The following UNC13C variants were observed in gnomAD, a reference collection of about 807,000 sequenced individuals.
UNC13C encodes the protein protein unc-13 homolog C.
Under a neutral mutation model 245.4 loss-of-function variants are expected in UNC13C, and 174 were observed. That is an observed-to-expected ratio of 0.71 (90% CI 0.63 to 0.80). UNC13C has a LOEUF of 0.80. UNC13C is among the 30% of genes least tolerant of loss of function. UNC13C has a pLI of 0.00. For missense variants in UNC13C, 2,829 were observed against 2,602.9 expected (o/e 1.09, Z -1.89); for synonymous variants, 992 against 895.1 (o/e 1.11, Z -1.93).
chr15:54,281,118 G>T (rs1470608061), intron 10 of UNC13C, among the ~76,000 whole-genome samples: 1 of 152,066 alleles, frequency 6.6e-6, no homozygotes, highest in Non-Finnish European at 1.5e-5. Context: ...ATTTTTAAAA[G>T]TCTTTAAACT....
At chr15:54,342,055 A>G (rs1365767801) in intron 17 of UNC13C, among the ~76,000 whole-genome samples, 1 of 151,922 alleles carries the variant, frequency 6.6e-6, no homozygotes, top group African/African-American at 2.4e-5. Flanking sequence ...GGAGATGGAC[A>G]CTATTCTAAT....
chr15:54,134,439 C>CGTGT (rs2031621128), intron 2 of UNC13C, among the ~76,000 whole-genome samples: 1 of 126,300 alleles, frequency 7.9e-6, no homozygotes, highest in Admixed American at 7.6e-5. Context: ...TGTGTGTGTG[C>CGTGT]GTTTGTGTGT....
At chr15:54,319,182 C>T (rs2038085422) in intron 13 of UNC13C, among the ~76,000 whole-genome samples, 1 of 151,368 alleles carries the variant, frequency 6.6e-6, no homozygotes, top group Admixed American at 6.6e-5. Flanking sequence ...TTCTATATCT[C>T]TTCTTCCCCC....
chr15:54,003,740 C>G (rs962805181), intron 1 of UNC13C, among the ~76,000 whole-genome samples: 2 of 152,106 alleles, frequency 1.3e-5, no homozygotes, highest in African/African-American at 2.4e-5. Context: ...AGGCCGGGCG[C>G]GGTGGCTTAA....
intron 4 of UNC13C, among the ~76,000 whole-genome samples, chr15:54,211,660 A>G (rs1247316104): frequency 1.3e-5 from 2 of 152,098 alleles, no homozygotes; most frequent in Non-Finnish European, 2.9e-5. Context: ...TCACTCCCCA[A>G]CAAAGCTCCA....
intron 19 of UNC13C, among the ~76,000 whole-genome samples, chr15:54,466,462 A>G (rs755594878): frequency 6.6e-6 from 1 of 151,936 alleles, no homozygotes; most frequent in African/African-American, 2.4e-5. Flanking sequence ...GCTATTAGAC[A>G]TCAATTTCCA....
intron 2 of UNC13C, among the ~76,000 whole-genome samples, chr15:54,037,564 T>G (rs1044115342): frequency 7.9e-5 from 12 of 151,934 alleles, no homozygotes; most frequent in Admixed American, 2.6e-4. Flanking sequence ...CAAAATGAAT[T>G]TATATATATT....
At chr15:54,429,849 A>G (rs1004621197) in intron 19 of UNC13C, among the ~76,000 whole-genome samples, 1 of 151,720 alleles carries the variant, frequency 6.6e-6, no homozygotes, top group Admixed American at 6.6e-5. Flanking sequence ...AACAGAAAGT[A>G]AAAAGTAATA....
At chr15:53,996,495 A>G (rs1193105972) in intron 1 of UNC13C, among the ~76,000 whole-genome samples, 1 of 152,164 alleles carries the variant, frequency 6.6e-6, no homozygotes, top group African/African-American at 2.4e-5. Flanking sequence ...TTATTGGAGT[A>G]CAATTTACAG....
chr15:54,039,566 G>T, intron 2 of UNC13C, among the ~76,000 whole-genome samples: 1 of 151,960 alleles, frequency 6.6e-6, no homozygotes, highest in East Asian at 1.9e-4. Flanking sequence ...TAAGCCTGCA[G>T]TGTTCCAGGG....
chr15:54,061,017 A>G (rs918639922), intron 2 of UNC13C, among the ~76,000 whole-genome samples: 1 of 152,182 alleles, frequency 6.6e-6, no homozygotes, highest in African/African-American at 2.4e-5. Context: ...ACCTAATGCT[A>G]AATGACGAGT....
intron 19 of UNC13C, among the ~76,000 whole-genome samples, chr15:54,473,463 T>C (rs2141046747): frequency 6.6e-6 from 1 of 152,048 alleles, no homozygotes; most frequent in South Asian, 2.1e-4. Flanking sequence ...ATTCTTTCTT[T>C]GTAACTTTAT....
chr15:53,918,858 G>A, the UNC13C span, among the ~76,000 whole-genome samples: 2 of 152,192 alleles, frequency 1.3e-5, no homozygotes, highest in African/African-American at 2.4e-5. Context: ...TTGGGCCATT[G>A]CACAGAGCTT....
At chr15:53,913,218 G>T in the UNC13C span, 1 of 152,246 alleles carries the variant, frequency 6.6e-6, no homozygotes, top group East Asian at 1.9e-4. Flanking sequence ...ATGCAGCTGA[G>T]ACAGCCTTCC....
rs775451835 is a variant in UNC13C, at chr15:54,567,831, A to C, written c.5990A>C (p.Lys1997Thr). Reference sequence around the variant, plus strand: ...TTTCATGCAGGAGGAAATGGCCTGAAAAAGAATTTCTTGGAGAAAAGCCCA... The same window carrying C: ...TTTCATGCAGGAGGAAATGGCCTGACAAAGAATTTCTTGGAGAAAAGCCCA... ...QYFHAGGNGLKKNFLEKSPDL... is the reference protein window; with the variant it reads ...QYFHAGGNGLTKNFLEKSPDL... Residue 1997 changes from lysine (K) to threonine (T), a missense_variant, in exon 30 of 33, where the codon AAA becomes ACA. Lys to Thr is a moderately conservative substitution (Grantham distance 78, BLOSUM62 -1). Coordinates refer to ENST00000260323, the MANE Select transcript of UNC13C (RefSeq NM_001080534.3). The C allele has an allele frequency of 6.2e-7, 1 of 1,605,168 alleles. No homozygotes were observed. The highest frequency in any genetic ancestry group is 1.1e-5 in the South Asian group (1 of 89,522).
the UNC13C span, among the ~76,000 whole-genome samples, chr15:53,882,151 T>C: frequency 3.3e-5 from 5 of 152,252 alleles, no homozygotes; most frequent in African/African-American, 1.2e-4. Context: ...GAATATGGAA[T>C]CTAGCTTTTA....
intron 24 of UNC13C, among the ~76,000 whole-genome samples, chr15:54,517,864 A>G (rs1464075827): frequency 3.3e-5 from 5 of 152,204 alleles, no homozygotes; most frequent in African/African-American, 1.2e-4. Context: ...CCTTCAGATG[A>G]AAGTTTTAAT....
chr15:54,241,889 C>T (rs116818684), intron 7 of UNC13C, among the ~76,000 whole-genome samples: 83 of 152,246 alleles, frequency 5.5e-4, no homozygotes, highest in African/African-American at 2.0e-3. Context: ...AATAATGACA[C>T]CAAAGTAAAG....
chr15:54,480,234 C>T (rs1193462053), intron 19 of UNC13C, among the ~76,000 whole-genome samples: 1 of 151,772 alleles, frequency 6.6e-6, no homozygotes, highest in Non-Finnish European at 1.5e-5. Context: ...AAGAAGCCTT[C>T]ATTTAGCTCT....
Sources: allele counts gnomAD v4.1 joint callset (sites outside exome capture counted in the v4.1 genomes callset), GRCh38; gene constraint gnomAD v4.1.1; transcripts MANE v1.5; gene names NCBI Gene and HGNC (gene_info 2026-07-23, HGNC 2026-07-21).